The following FAM13A variants were observed in gnomAD, a reference collection of about 807,000 sequenced individuals.
FAM13A encodes protein FAM13A.
FAM13A carries 76 observed loss-of-function variants against 129.6 expected under a neutral mutation model. That is an observed-to-expected ratio of 0.59 (90% CI 0.49 to 0.71). FAM13A has a LOEUF of 0.71. Among genes scored for constraint, FAM13A ranks in the 30% least tolerant of loss-of-function variants. FAM13A has a pLI of 0.00. For synonymous variants in FAM13A, 443 were observed against 449.9 expected, an observed-to-expected ratio of 0.98 and a Z score of 0.20; for missense variants, 1,108 against 1,249.3, an observed-to-expected ratio of 0.89 and a Z score of 1.70.
chr4:88,911,690 A>G (rs1237011288), intron 5 of FAM13A, among the ~76,000 whole-genome samples: 3 of 152,128 alleles, frequency 2.0e-5, no homozygotes, highest in African/African-American at 7.2e-5. Context: ...TCATCTCCCC[A>G]AAGGCTGCTC....
intron 4 of FAM13A, among the ~76,000 whole-genome samples, chr4:88,938,784 T>C (rs1754253363): frequency 6.6e-6 from 1 of 152,188 alleles, no homozygotes; most frequent in Non-Finnish European, 1.5e-5. Context: ...ATAAAAATAG[T>C]TGAAAATATA....
At chr4:89,010,723 C>CT (rs1422225656) in intron 3 of FAM13A, among the ~76,000 whole-genome samples, 3 of 152,214 alleles carry the variant, frequency 2.0e-5, no homozygotes, top group Non-Finnish European at 4.4e-5. Context: ...AACTGGCCCT[C>CT]TGCCATCATG....
chr4:88,848,095 T>A (rs940709325), intron 7 of FAM13A, among the ~76,000 whole-genome samples: 1 of 152,198 alleles, frequency 6.6e-6, no homozygotes, highest in Non-Finnish European at 1.5e-5. Flanking sequence ...GCCACTTGAC[T>A]CTGATTTTAA....
At chr4:88,903,122 C>T (rs1747557196) in intron 6 of FAM13A, among the ~76,000 whole-genome samples, 1 of 152,034 alleles carries the variant, frequency 6.6e-6, no homozygotes, top group South Asian at 2.1e-4. Flanking sequence ...ACAAATATAA[C>T]AACATTCCAT....
chr4:88,952,904 T>A (rs1000403024), intron 4 of FAM13A, among the ~76,000 whole-genome samples: 3 of 151,910 alleles, frequency 2.0e-5, no homozygotes, highest in Admixed American at 2.0e-4. Context: ...GTCGAGATCG[T>A]GCCACTGCAC....
rs148087077 is a variant in FAM13A, at chr4:88,811,385, C to T, written c.1008-6333G>A. Among the ~76,000 whole-genome samples, 565 of 152,200 alleles carry T rather than the reference C, an allele frequency of 3.7e-3. 4 individuals are homozygous for T. Among genetic ancestry groups the T allele is most frequent in the Middle Eastern group, 0.014 (4 of 294 alleles). ...CCTCCATGGCTCTTCCTTATTTGTACGACTGTGGCATTCTTTATCACCTAT... is the reference window on the plus strand; with the variant it reads ...CCTCCATGGCTCTTCCTTATTTGTATGACTGTGGCATTCTTTATCACCTAT... On this transcript the variant is annotated intron_variant, in intron 7 of 23. Coordinates refer to ENST00000264344, the MANE Select transcript of FAM13A (RefSeq NM_014883.4).
At chr4:88,837,117 C>T (rs1471738573) in intron 7 of FAM13A, among the ~76,000 whole-genome samples, 1 of 151,506 alleles carries the variant, frequency 6.6e-6, no homozygotes, top group African/African-American at 2.4e-5. Context: ...GCCTCAGCCT[C>T]CTGAGTAGCT....
intron 9 of FAM13A, 47 bp downstream of exon 9, chr4:88,790,539 T>TAA (rs112676553): frequency 1.4e-3 from 1,759 of 1,215,156 alleles, no homozygotes; most frequent in Non-Finnish European, 1.6e-3. Context: ...GACAGGGCAT[T>TAA]AAAAAAAAAA....
intron 4 of FAM13A, among the ~76,000 whole-genome samples, chr4:88,952,748 G>C (rs1398121278): frequency 6.6e-6 from 1 of 152,044 alleles, no homozygotes; most frequent in East Asian, 1.9e-4. Flanking sequence ...GGGAGTTCAA[G>C]ACCAGCCTGG....
intron 10 of FAM13A, among the ~76,000 whole-genome samples, chr4:88,784,810 C>T (rs1366590064): frequency 6.6e-6 from 1 of 151,982 alleles, no homozygotes; most frequent in Non-Finnish European, 1.5e-5. Context: ...AACAGACTTC[C>T]ATATACCCAT....
At chr4:88,878,287 C>CAAAAAAAAAAAAAAAAAA (rs56067813) in intron 6 of FAM13A, among the ~76,000 whole-genome samples, 3 of 61,076 alleles carry the variant, frequency 4.9e-5, no homozygotes, top group African/African-American at 2.2e-4. Flanking sequence ...GACTCCATCT[C>CAAAAAAAAAAAAAAAAAA]AAAAAAAAAA....
intron 6 of FAM13A, among the ~76,000 whole-genome samples, chr4:88,880,548 C>G (rs1743348217): frequency 6.6e-6 from 1 of 152,108 alleles, no homozygotes; most frequent in Non-Finnish European, 1.5e-5. Context: ...TCTAGCTGAA[C>G]TTCACAACAA....
chr4:88,771,090 C>A (rs1250648298), intron 11 of FAM13A, among the ~76,000 whole-genome samples: 1 of 151,112 alleles, frequency 6.6e-6, no homozygotes, highest in Non-Finnish European at 1.5e-5. Context: ...CCTAAGGTAG[C>A]TGGGTTGCAC....
intron 8 of FAM13A, among the ~76,000 whole-genome samples, chr4:88,791,171 G>A (rs1036115252): frequency 6.6e-6 from 1 of 152,084 alleles, no homozygotes; most frequent in Non-Finnish European, 1.5e-5. Context: ...TCTTTTCGAA[G>A]CCACATTTTC....
intron 7 of FAM13A, among the ~76,000 whole-genome samples, chr4:88,842,400 C>T (rs947668459): frequency 2.6e-5 from 4 of 152,240 alleles, no homozygotes; most frequent in African/African-American, 9.6e-5. Context: ...GGAAGGCAGG[C>T]TTAGCCAGAT....
At chr4:88,905,400 A>G (rs1450573312) in intron 6 of FAM13A, among the ~76,000 whole-genome samples, 1 of 151,822 alleles carries the variant, frequency 6.6e-6, no homozygotes, top group Admixed American at 6.6e-5. Flanking sequence ...TACTTTTTAT[A>G]TATTTCTTTT....
intron 13 of FAM13A, among the ~76,000 whole-genome samples, chr4:88,765,247 T>C (rs2149533957): frequency 6.6e-6 from 1 of 152,346 alleles, no homozygotes; most frequent in East Asian, 1.9e-4. Flanking sequence ...TTGTTTGCTA[T>C]GTTATCTTAT....
At position 88,998,943 on chromosome 4, in the gene FAM13A, A is replaced by C. The variant is rs568439002; in HGVS notation, c.428-7793T>G. On this transcript the variant is annotated intron_variant, in intron 3 of 23. Transcript: ENST00000264344. Reference sequence around the variant, plus strand: ...CTCAGAGGCCTCACGTAAATTTCTCAAAGGGCAGACTGATAAAGTGACTAA... The same window carrying C: ...CTCAGAGGCCTCACGTAAATTTCTCCAAGGGCAGACTGATAAAGTGACTAA... Among the ~76,000 whole-genome samples, 114 of 152,314 alleles carry C rather than the reference A, an allele frequency of 7.5e-4. 1 individual carries two copies. The South Asian group carries it at 0.023, about 31-fold the overall frequency.
At chr4:88,924,881 A>G (rs1303949152) in intron 5 of FAM13A, among the ~76,000 whole-genome samples, 1 of 151,828 alleles carries the variant, frequency 6.6e-6, no homozygotes, top group Non-Finnish European at 1.5e-5. Context: ...AACCCCATCA[A>G]AAAGTGGGCA....
Sources: allele counts gnomAD v4.1 joint callset (sites outside exome capture counted in the v4.1 genomes callset), GRCh38; gene constraint gnomAD v4.1.1; transcripts MANE v1.5; gene names NCBI Gene and HGNC (gene_info 2026-07-23, HGNC 2026-07-21).